Variants in NXPH1 observed in about 807,000 individuals in gnomAD.
NXPH1 encodes neurexophilin-1.
A neutral mutation model predicts 23.7 loss-of-function variants in NXPH1; 5 were observed. The observed-to-expected ratio is 0.21, with a 90% CI of 0.11 to 0.44. The LOEUF is 0.44. NXPH1 is among the 20% of genes least tolerant of loss of function. The pLI, the probability that NXPH1 is intolerant of heterozygous loss-of-function variation, is 0.99. For synonymous variants in NXPH1, 144 were observed against 122.2 expected, an observed-to-expected ratio of 1.18 and a Z score of -1.18; for missense variants, 324 against 321.6, an observed-to-expected ratio of 1.01 and a Z score of -0.06.
intron 2 of NXPH1, among the ~76,000 whole-genome samples, chr7:8,443,750 T>G (rs912652539): frequency 3.9e-5 from 6 of 152,218 alleles, no homozygotes; most frequent in African/African-American, 1.2e-4. Context: ...TTTCCGTGGT[T>G]AGGCTCGCCA....
intron 2 of NXPH1, among the ~76,000 whole-genome samples, chr7:8,704,676 T>G (rs1415770713): frequency 6.6e-6 from 1 of 152,116 alleles, no homozygotes; most frequent in Non-Finnish European, 1.5e-5. Context: ...CTGCATGGAT[T>G]TTTTGGTTAT....
At chr7:8,621,819 A>G (rs1583199302) in intron 2 of NXPH1, among the ~76,000 whole-genome samples, 1 of 152,128 alleles carries the variant, frequency 6.6e-6, no homozygotes, top group Non-Finnish European at 1.5e-5. Flanking sequence ...CACATGCATT[A>G]TCTCACTTAA....
chr7:8,665,437 G>T (rs949095337), intron 2 of NXPH1, among the ~76,000 whole-genome samples: 7 of 152,022 alleles, frequency 4.6e-5, no homozygotes, highest in African/African-American at 1.7e-4. Context: ...ATATTTTAAA[G>T]ACAGATAGTG....
At chr7:8,444,641 G>A in intron 2 of NXPH1, among the ~76,000 whole-genome samples, 1 of 152,200 alleles carries the variant, frequency 6.6e-6, no homozygotes, top group Non-Finnish European at 1.5e-5. Context: ...CAATACCATA[G>A]TACTTAGGGT....
intron 2 of NXPH1, among the ~76,000 whole-genome samples, chr7:8,718,126 GCT>G (rs1225872123): frequency 6.6e-6 from 1 of 151,906 alleles, no homozygotes; most frequent in Non-Finnish European, 1.5e-5. Context: ...AAATGCATTT[GCT>G]CTCTCTCAAC....
chr7:8,635,087 C>T (rs1319702043), intron 2 of NXPH1, among the ~76,000 whole-genome samples: 1 of 152,212 alleles, frequency 6.6e-6, no homozygotes, highest in East Asian at 1.9e-4. Flanking sequence ...AGAGATCTTA[C>T]CTGTCTGAAG....
At chr7:8,648,303 C>T (rs1820428384) in intron 2 of NXPH1, among the ~76,000 whole-genome samples, 1 of 152,080 alleles carries the variant, frequency 6.6e-6, no homozygotes, top group Non-Finnish European at 1.5e-5. Flanking sequence ...CCACCTACAC[C>T]CAATCCCCCC....
intron 2 of NXPH1, among the ~76,000 whole-genome samples, chr7:8,747,928 T>C (rs1780498704): frequency 6.6e-6 from 1 of 152,234 alleles, no homozygotes; most frequent in Non-Finnish European, 1.5e-5. Flanking sequence ...TGTAGTTGTT[T>C]TTATTAGTTT....
At chr7:8,449,370 G>C (rs1324925930) in intron 2 of NXPH1, among the ~76,000 whole-genome samples, 1 of 152,176 alleles carries the variant, frequency 6.6e-6, no homozygotes, top group Non-Finnish European at 1.5e-5. Flanking sequence ...AGTGGGGAAG[G>C]TGTAAAGACT....
chr7:8,502,833 T>A (rs1341219530), intron 2 of NXPH1, among the ~76,000 whole-genome samples: 2 of 151,686 alleles, frequency 1.3e-5, no homozygotes. Flanking sequence ...GAGAAGCTGT[T>A]CACAGAGATG....
At chr7:8,610,293 A>G (rs1819587970) in intron 2 of NXPH1, among the ~76,000 whole-genome samples, 2 of 152,148 alleles carry the variant, frequency 1.3e-5, no homozygotes, top group Non-Finnish European at 2.9e-5. Context: ...ATAGCACAAG[A>G]ATGTTGAATT....
At chr7:8,545,821 T>C (rs1172305585) in intron 2 of NXPH1, among the ~76,000 whole-genome samples, 2 of 151,512 alleles carry the variant, frequency 1.3e-5, no homozygotes, top group Non-Finnish European at 3.0e-5. Context: ...CTAAGCACTG[T>C]CAGCCCTTAA....
At chr7:8,634,138 T>A (rs921623105) in intron 2 of NXPH1, among the ~76,000 whole-genome samples, 3 of 152,114 alleles carry the variant, frequency 2.0e-5, no homozygotes, top group African/African-American at 7.2e-5. Context: ...CACTCAAATC[T>A]CATCTTGAAC....
At position 8,683,689 on chromosome 7, in the gene NXPH1, A is replaced by AT. The variant is rs896525040; in HGVS notation, c.55-67312dup. Among the ~76,000 whole-genome samples, 135 of 152,084 alleles carry AT rather than the reference A, an allele frequency of 8.9e-4. 3 individuals are homozygous for AT. Among genetic ancestry groups the AT allele is most frequent in the Admixed American group, 8.6e-3 (131 of 15,282 alleles). On this transcript the variant is annotated intron_variant, in intron 2 of 2. Coordinates refer to ENST00000405863, the MANE Select transcript of NXPH1 (RefSeq NM_152745.3). ...ATTAGGTTGGCACAAAAGTAATTGC[A>AT]TTTTTTTGGCATTAACTACTATTAC...
intron 2 of NXPH1, among the ~76,000 whole-genome samples, chr7:8,530,639 G>A (rs1035967102): frequency 6.6e-6 from 1 of 152,188 alleles, no homozygotes; most frequent in Admixed American, 6.5e-5. Flanking sequence ...CTTGCCTGGA[G>A]GGGCATGAGG....
intron 2 of NXPH1, among the ~76,000 whole-genome samples, chr7:8,594,763 T>G (rs192053195): frequency 2.6e-5 from 4 of 152,046 alleles, no homozygotes; most frequent in African/African-American, 9.7e-5. Flanking sequence ...AAGATTCTAC[T>G]TAATAGAAAC....
chr7:8,723,631 A>G (rs541421031), intron 2 of NXPH1, among the ~76,000 whole-genome samples: 66 of 152,352 alleles, frequency 4.3e-4, no homozygotes, highest in African/African-American at 1.4e-3. Flanking sequence ...TTACAGAATT[A>G]CACAAAACCT....
At chr7:8,702,235 C>T (rs973446238) in intron 2 of NXPH1, among the ~76,000 whole-genome samples, 1 of 152,086 alleles carries the variant, frequency 6.6e-6, no homozygotes, top group East Asian at 1.9e-4. Context: ...GCTCTATCAC[C>T]TCAAACTTTT....
At chr7:8,618,973 G>A (rs1819805352) in intron 2 of NXPH1, among the ~76,000 whole-genome samples, 1 of 152,116 alleles carries the variant, frequency 6.6e-6, no homozygotes, top group South Asian at 2.1e-4. Context: ...TTATAAAATT[G>A]AAATCTTTTC....
Sources: allele counts gnomAD v4.1 joint callset (sites outside exome capture counted in the v4.1 genomes callset), GRCh38; gene constraint gnomAD v4.1.1; transcripts MANE v1.5; gene names NCBI Gene and HGNC (gene_info 2026-07-23, HGNC 2026-07-21).